KIAA0825: variants seen among roughly 807,000 people sequenced by gnomAD.
KIAA0825 encodes the protein uncharacterized protein KIAA0825.
In KIAA0825, 119 loss-of-function variants were observed where a neutral mutation model predicts 147.6. The ratio of observed to expected loss-of-function variants is 0.81; its 90% confidence interval spans 0.69 to 0.94. The LOEUF (loss-of-function observed/expected upper bound fraction) is 0.94, where lower values mean the gene tolerates loss of function less well. Ranked by LOEUF, KIAA0825 falls within the 40% of genes least tolerant of loss-of-function variation. KIAA0825 has a pLI of 0.00. For missense variants in KIAA0825, 1,381 were observed against 1,472.7 expected (o/e 0.94, Z 1.02); for synonymous variants, 470 against 518.1 (o/e 0.91, Z 1.26).
chr5:94,381,969 C>T (rs756456926), intron 20 of KIAA0825, among the ~76,000 whole-genome samples: 2 of 152,112 alleles, frequency 1.3e-5, no homozygotes, highest in African/African-American at 4.8e-5. Context: ...TTTTTTCATA[C>T]TTGTATATTT....
chr5:94,314,899 T>C (rs1282964710), intron 20 of KIAA0825, among the ~76,000 whole-genome samples: 1 of 151,654 alleles, frequency 6.6e-6, no homozygotes, highest in African/African-American at 2.4e-5. Context: ...CTTACATTAA[T>C]TGAGCTGATC....
At chr5:94,188,701 C>A (rs1403314766) in intron 20 of KIAA0825, among the ~76,000 whole-genome samples, 1 of 152,030 alleles carries the variant, frequency 6.6e-6, no homozygotes, top group East Asian at 1.9e-4. Context: ...TTGCTTCCCA[C>A]TTTGGTTGTT....
At chr5:94,232,625 C>T (rs892913527) in intron 20 of KIAA0825, among the ~76,000 whole-genome samples, 1 of 151,974 alleles carries the variant, frequency 6.6e-6, no homozygotes, top group Non-Finnish European at 1.5e-5. Context: ...TAATAACTTG[C>T]AATAACAAAC....
At chr5:94,330,465 C>A (rs1781154298) in intron 20 of KIAA0825, among the ~76,000 whole-genome samples, 1 of 152,006 alleles carries the variant, frequency 6.6e-6, no homozygotes, top group African/African-American at 2.4e-5. Context: ...ATGTAAATAA[C>A]CCATGGCTCA....
At chr5:94,598,573 A>G (rs1437906393) in intron 1 of KIAA0825, among the ~76,000 whole-genome samples, 1 of 152,164 alleles carries the variant, frequency 6.6e-6, no homozygotes, top group Non-Finnish European at 1.5e-5. Flanking sequence ...AATGAAATAT[A>G]TAGTAAATAC....
chr5:94,367,713 G>C (rs867196350), intron 20 of KIAA0825, among the ~76,000 whole-genome samples: 115 of 152,274 alleles, frequency 7.6e-4, no homozygotes, highest in African/African-American at 2.6e-3. Flanking sequence ...AAGTGGAAGA[G>C]TGGCAGAAAA....
chr5:94,317,600 G>C (rs1232493562), intron 20 of KIAA0825, among the ~76,000 whole-genome samples: 1 of 151,822 alleles, frequency 6.6e-6, no homozygotes. Flanking sequence ...AAGAGACTTA[G>C]ATTTGGAATC....
At chr5:94,342,055 G>A (rs1782448915) in intron 20 of KIAA0825, among the ~76,000 whole-genome samples, 1 of 152,054 alleles carries the variant, frequency 6.6e-6, no homozygotes, top group South Asian at 2.1e-4. Context: ...AGTTAGCCGG[G>A]CGTGGTGGCA....
intron 2 of KIAA0825, among the ~76,000 whole-genome samples, chr5:94,561,739 C>T (rs779081551): frequency 3.2e-4 from 48 of 152,102 alleles, no homozygotes; most frequent in Non-Finnish European, 5.3e-4. Context: ...AACTTAATTC[C>T]TATTCCAATT....
intron 1 of KIAA0825, among the ~76,000 whole-genome samples, chr5:94,615,064 TAA>T (rs570986751): frequency 5.8e-4 from 75 of 129,862 alleles, no homozygotes; most frequent in Admixed American, 1.0e-3. Context: ...TCATAGCTGG[TAA>T]AAAAAAAAAA....
intron 14 of KIAA0825, among the ~76,000 whole-genome samples, chr5:94,417,569 G>GA (rs557964676): frequency 1.3e-5 from 2 of 151,984 alleles, no homozygotes; most frequent in Non-Finnish European, 2.9e-5. Context: ...GATATTTATG[G>GA]AAAAAAACAA....
chr5:94,320,858 C>G (rs1780114653), intron 20 of KIAA0825, among the ~76,000 whole-genome samples: 1 of 151,986 alleles, frequency 6.6e-6, no homozygotes, highest in Non-Finnish European at 1.5e-5. Flanking sequence ...TCAGAATATA[C>G]TTTGCACAAT....
intron 12 of KIAA0825, among the ~76,000 whole-genome samples, chr5:94,460,410 G>C (rs1759668463): frequency 6.6e-6 from 1 of 152,046 alleles, no homozygotes; most frequent in Non-Finnish European, 1.5e-5. Context: ...TTCCTGTCCA[G>C]GGATTTCGTG....
intron 20 of KIAA0825, among the ~76,000 whole-genome samples, chr5:94,232,802 T>G (rs184190990): frequency 1.3e-5 from 2 of 152,230 alleles, no homozygotes; most frequent in East Asian, 3.9e-4. Flanking sequence ...ATTCCATAGT[T>G]GGAATGAAAA....
At chr5:94,478,741 A>C (rs1213916260) in intron 6 of KIAA0825, among the ~76,000 whole-genome samples, 1 of 152,232 alleles carries the variant, frequency 6.6e-6, no homozygotes, top group East Asian at 1.9e-4. Context: ...TAAATAAAGA[A>C]AAATGCAACT....
intron 3 of KIAA0825, among the ~76,000 whole-genome samples, chr5:94,526,429 C>T (rs1424938146): frequency 2.0e-5 from 3 of 151,858 alleles, no homozygotes; most frequent in Non-Finnish European, 4.4e-5. Context: ...ATGGTGGGCA[C>T]AGGAGTATTT....
intron 5 of KIAA0825, among the ~76,000 whole-genome samples, chr5:94,489,108 C>G (rs1177647590): frequency 1.3e-5 from 2 of 152,200 alleles, no homozygotes; most frequent in African/African-American, 4.8e-5. Context: ...CCAGTACCCT[C>G]TTCCACTTGT....
At chr5:94,242,807 G>A (rs1008714575) in intron 20 of KIAA0825, among the ~76,000 whole-genome samples, 2 of 151,962 alleles carry the variant, frequency 1.3e-5, no homozygotes, top group African/African-American at 4.8e-5. Context: ...TGTATTTTTA[G>A]TAGAGATTAG....
At chr5:94,479,171 T>C (rs1190912958) in intron 6 of KIAA0825, among the ~76,000 whole-genome samples, 3 of 152,180 alleles carry the variant, frequency 2.0e-5, no homozygotes, top group Non-Finnish European at 4.4e-5. Flanking sequence ...GCCAAATGTA[T>C]AATGTCATGT....
Sources: allele counts gnomAD v4.1 joint callset (sites outside exome capture counted in the v4.1 genomes callset), GRCh38; gene constraint gnomAD v4.1.1; transcripts MANE v1.5; gene names NCBI Gene and HGNC (gene_info 2026-07-23, HGNC 2026-07-21).